Variants in IGF1 observed in about 807,000 individuals in gnomAD.
IGF1 encodes the protein insulin like growth factor 1.
IGF1 carries 4 observed loss-of-function variants against 13.8 expected under a neutral mutation model. The observed-to-expected ratio is 0.29, with a 90% CI of 0.14 to 0.66. IGF1 has a LOEUF of 0.66. Among genes scored for constraint, IGF1 ranks in the 30% least tolerant of loss-of-function variants. The pLI is 0.78. For missense variants in IGF1, 124 were observed against 188.5 expected (o/e 0.66, Z 2.00); for synonymous variants, 76 against 72.6 (o/e 1.05, Z -0.23).
chr12:102,406,831 A>G (rs1015598427), intron 3 of IGF1, among the ~76,000 whole-genome samples: 1 of 151,876 alleles, frequency 6.6e-6, no homozygotes, highest in African/African-American at 2.4e-5. Context: ...GGTGGCTCAC[A>G]CCTGTAATCC....
chr12:102,458,730 CAAAA>C (rs397825972), intron 2 of IGF1, among the ~76,000 whole-genome samples: 5 of 73,426 alleles, frequency 6.8e-5, no homozygotes, highest in Admixed American at 2.2e-4. Flanking sequence ...GAACACTGAC[CAAAA>C]AAAAAAAAAA....
chr12:102,459,488 G>A (rs1879725808), intron 2 of IGF1, among the ~76,000 whole-genome samples: 1 of 151,948 alleles, frequency 6.6e-6, no homozygotes, highest in South Asian at 2.1e-4. Context: ...CCAGTAAATA[G>A]GTAACAGCTG....
chr12:102,437,845 C>T (rs1877378365), intron 2 of IGF1, among the ~76,000 whole-genome samples: 1 of 152,210 alleles, frequency 6.6e-6, no homozygotes, highest in Non-Finnish European at 1.5e-5. Context: ...TAGACTTTTA[C>T]ACAATGTATG....
At chr12:102,428,882 G>A (rs1876478757) in intron 2 of IGF1, among the ~76,000 whole-genome samples, 1 of 152,144 alleles carries the variant, frequency 6.6e-6, no homozygotes, top group Non-Finnish European at 1.5e-5. Flanking sequence ...TAGTTTCCTT[G>A]GAAATGTCTA....
chr12:102,420,055 C>G (rs961100758), intron 2 of IGF1, among the ~76,000 whole-genome samples: 24 of 152,164 alleles, frequency 1.6e-4, no homozygotes, highest in African/African-American at 5.8e-4. Flanking sequence ...TTTTCTTAAT[C>G]TTGTTGGCAA....
In IGF1 at chr12:102,465,936, CAAATAAATAAATAAATAAATAAAT is replaced by C. The variant is rs3032454; in HGVS notation, c.220+9683_220+9706del. On this transcript the variant is annotated intron_variant, in intron 2 of 3. Transcript: ENST00000337514. ...TGGGCAACAGAGCAAGACTCTGTTT[CAAATAAATAAATAAATAAATAAAT>C]AAATAAATAAATAAATAAATAAATA... Among the ~76,000 whole-genome samples, 403 of 139,466 alleles carry C rather than the reference CAAATAAATAAATAAATAAATAAAT, an allele frequency of 2.9e-3. 3 individuals are homozygous for C. The highest frequency in any genetic ancestry group is 9.1e-3 in the African/African-American group (342 of 37,490). The allele number at this position is 139,466 out of a possible 152,430, so 91.5% of individuals were successfully genotyped here.
At chr12:102,459,233 G>A (rs1033743359) in intron 2 of IGF1, among the ~76,000 whole-genome samples, 2 of 152,120 alleles carry the variant, frequency 1.3e-5, no homozygotes, top group South Asian at 2.1e-4. Context: ...GAGACCTTAC[G>A]TAAAATGCCT....
chr12:102,480,408 T>A lies in IGF1; in HGVS notation c.-27A>T. Reference sequence around the variant, plus strand: ...GCTTCTGAAGTACAAAGTCTGAAAATGAATTGGTTAGCAGGAATAATGAAG... The same window carrying A: ...GCTTCTGAAGTACAAAGTCTGAAAAAGAATTGGTTAGCAGGAATAATGAAG... On this transcript the variant is annotated 5_prime_UTR_variant, in exon 1 of 4. Coordinates refer to ENST00000337514, the MANE Select transcript of IGF1 (RefSeq NM_000618.5). 1.2e-6 allele frequency: 2 copies of A among 1,613,104 alleles called. No individual in the cohort carries two copies. The highest frequency in any genetic ancestry group is 1.7e-6 in the Non-Finnish European group (2 of 1,179,510).
intron 2 of IGF1, among the ~76,000 whole-genome samples, chr12:102,441,898 A>G (rs1401361834): frequency 2.4e-5 from 1 of 41,922 alleles, no homozygotes; most frequent in Non-Finnish European, 5.3e-5. Context: ...AAGTCATTCT[A>G]TTACACTGCT....
chr12:102,417,425 A>G (rs563725374), intron 3 of IGF1: 65 of 500,750 alleles, frequency 1.3e-4, no homozygotes, highest in African/African-American at 1.2e-3. Flanking sequence ...CTGAACATAT[A>G]TTGACATAGG....
At chr12:102,449,880 G>T in intron 2 of IGF1, among the ~76,000 whole-genome samples, 1 of 151,998 alleles carries the variant, frequency 6.6e-6, no homozygotes, top group East Asian at 1.9e-4. Flanking sequence ...TCACTTGGCA[G>T]AAGTGAAGCA....
At chr12:102,455,286 C>A in intron 2 of IGF1, among the ~76,000 whole-genome samples, 1 of 152,232 alleles carries the variant, frequency 6.6e-6, no homozygotes, top group Non-Finnish European at 1.5e-5. Context: ...CTGCAAGTTG[C>A]ACAACAGCAT....
intron 2 of IGF1, among the ~76,000 whole-genome samples, chr12:102,451,463 C>A (rs997461151): frequency 6.6e-6 from 1 of 152,184 alleles, no homozygotes. Context: ...GACAGTGAGG[C>A]TTTCTTGCCA....
At chr12:102,480,215 G>T in intron 1 of IGF1, 104 bp downstream of exon 1, 1 of 1,155,348 alleles carries the variant, frequency 8.7e-7, no homozygotes, top group Non-Finnish European at 1.3e-6. Flanking sequence ...TCTCGGTTCC[G>T]AAACAATGAA....
At chr12:102,406,243 T>C (rs939835194) in intron 3 of IGF1, among the ~76,000 whole-genome samples, 2 of 152,242 alleles carry the variant, frequency 1.3e-5, no homozygotes, top group Non-Finnish European at 2.9e-5. Flanking sequence ...CAGTTGCATC[T>C]GTTGCTTTGC....
chr12:102,432,866 A>G (rs1199586532), intron 2 of IGF1, among the ~76,000 whole-genome samples: 1 of 152,196 alleles, frequency 6.6e-6, no homozygotes, highest in East Asian at 1.9e-4. Flanking sequence ...ATACATACAT[A>G]CATACATACA....
chr12:102,419,700 TCAAA>T lies in IGF1; in HGVS notation c.221-14_221-11del, dbSNP rs774130613. 5 of 1,610,636 alleles carry T rather than the reference TCAAA, an allele frequency of 3.1e-6. No homozygotes were observed. The highest frequency in any genetic ancestry group is 1.1e-5 in the South Asian group (1 of 91,072). On this transcript the variant is annotated splice_polypyrimidine_tract_variant and intron_variant, in intron 2 of 3. Coordinates refer to ENST00000337514, the MANE Select transcript of IGF1 (RefSeq NM_000618.5). ...TACCCTGTGGGCTTGTCTGCACAAA[TCAAA>T]CAGAGTGGCCTCATGTTAGGGTGCA...
At chr12:102,407,936 A>C (rs1332549565) in intron 3 of IGF1, among the ~76,000 whole-genome samples, 2 of 152,194 alleles carry the variant, frequency 1.3e-5, no homozygotes, top group East Asian at 3.9e-4. Flanking sequence ...AAAAGGATAA[A>C]AATAGGCTCT....
chr12:102,404,340 A>G (rs749070934), intron 3 of IGF1, among the ~76,000 whole-genome samples: 1 of 152,212 alleles, frequency 6.6e-6, no homozygotes, highest in East Asian at 1.9e-4. Flanking sequence ...AAGGCTGGGG[A>G]AAAAGATAAA....
Sources: gnomAD v4.1 joint callset for allele counts (sites outside exome capture counted in the v4.1 genomes callset) on GRCh38, gnomAD v4.1.1 for gene constraint, MANE v1.5 for transcripts, NCBI Gene and HGNC (gene_info 2026-07-23, HGNC 2026-07-21) for gene names.